Variants in FLNB observed in about 807,000 individuals in gnomAD.
FLNB encodes the protein filamin B, also known as filamin-B.
Under a neutral mutation model 250.6 loss-of-function variants are expected in FLNB, and 111 were observed. The observed-to-expected ratio is 0.44, with a 90% CI of 0.38 to 0.52. The LOEUF (loss-of-function observed/expected upper bound fraction) is 0.52, where lower values mean the gene tolerates loss of function less well. Among genes scored for constraint, FLNB ranks in the 20% least tolerant of loss-of-function variants. The pLI, the probability that FLNB is intolerant of heterozygous loss-of-function variation, is 0.00. For missense variants in FLNB, 2,869 were observed against 3,447.8 expected (o/e 0.83, Z 4.20); for synonymous variants, 1,302 against 1,372.1 (o/e 0.95, Z 1.13).
intron 1 of FLNB, among the ~76,000 whole-genome samples, chr3:58,054,991 G>T (rs1290565769): frequency 6.6e-6 from 1 of 152,192 alleles, no homozygotes; most frequent in Admixed American, 6.5e-5. Flanking sequence ...TCCAGGCCAG[G>T]CATGGTGGCT....
rs749772889 is a variant in FLNB at position 58,150,181 on chromosome 3, C to T, written c.6321C>T (p.Ser2107=). The T allele has an allele frequency of 2.5e-5, 40 of 1,614,072 alleles. 1 individual carries two copies. The highest frequency in any genetic ancestry group is 8.3e-5 in the Admixed American group (5 of 60,008). ...ESITRTSRAP[S]VATVGSICDL... Reference sequence around the variant, plus strand: ...TCACCCGCACCAGTCGGGCCCCGTCCGTGGCCACTGTCGGGAGCATTTGTG... The same window carrying T: ...TCACCCGCACCAGTCGGGCCCCGTCTGTGGCCACTGTCGGGAGCATTTGTG... Residue 2107 remains serine (S), a synonymous_variant, in exon 38 of 46, where the codon TCC becomes TCT. Transcript: ENST00000295956.
chr3:58,022,280 T>C (rs1179917354), intron 1 of FLNB, among the ~76,000 whole-genome samples: 1 of 152,246 alleles, frequency 6.6e-6, no homozygotes, highest in African/African-American at 2.4e-5. Flanking sequence ...CATTGACTTA[T>C]TTGCAATTCA....
rs1403233441 is a variant in FLNB at position 58,109,208 on chromosome 3, G to T, written c.2085G>T (p.Gln695His). Residue 695 changes from glutamine to histidine, a missense_variant, in exon 14 of 46, where the codon CAG becomes CAT. Gln to His is a conservative substitution (Grantham distance 24, BLOSUM62 0). This residue lies in a region of FLNB where 1,348 missense variants were observed against 1,466.7 expected (regional missense o/e 0.92). Transcript: ENST00000295956. ...GGGAAGGCCAACGCATTGACATCCA[G>T]ATGAAGAACCGGATGGACGGCACAT... ...QDGEGQRIDI[Q>H]MKNRMDGTYA... is the part of the protein sequence containing the mutation. The T allele has an allele frequency of 3.1e-6, 5 of 1,614,110 alleles. No homozygotes were observed. The highest frequency in any genetic ancestry group is 4.2e-6 in the Non-Finnish European group (5 of 1,180,054).
chr3:58,108,171 C>A (rs1353785176), intron 12 of FLNB, among the ~76,000 whole-genome samples: 1 of 152,054 alleles, frequency 6.6e-6, no homozygotes, highest in Non-Finnish European at 1.5e-5. Context: ...AGAAAGTTTA[C>A]AAATTTGTGT....
In FLNB at chr3:58,148,307, G is replaced by A. The variant is rs778365957; in HGVS notation, c.5830G>A (p.Ala1944Thr). 2 of 1,614,092 alleles carry A rather than the reference G, an allele frequency of 1.2e-6. No individual in the cohort carries two copies. Among genetic ancestry groups the A allele is most frequent in the African/African-American group, 1.3e-5 (1 of 75,040 alleles). ...DLSSLTASIKAPSGRDEPCLL... is the reference protein window; with the variant it reads ...DLSSLTASIKTPSGRDEPCLL... Reference sequence around the variant, plus strand: ...CAGCAGCCTGACGGCCAGCATTAAGGCCCCATCTGGCCGAGACGAGCCCTG... The same window carrying A: ...CAGCAGCCTGACGGCCAGCATTAAGACCCCATCTGGCCGAGACGAGCCCTG... Residue 1944 changes from alanine (A) to threonine (T), a missense_variant, in exon 35 of 46, where the codon GCC becomes ACC. Physicochemically the swap from Ala to Thr is moderately conservative, Grantham distance 58. Coordinates refer to ENST00000295956, the MANE Select transcript of FLNB (RefSeq NM_001457.4).
chr3:58,093,068 G>A (rs1055294686), intron 4 of FLNB, among the ~76,000 whole-genome samples: 3 of 152,284 alleles, frequency 2.0e-5, no homozygotes, highest in Non-Finnish European at 2.9e-5. Flanking sequence ...TTCTGTCCAG[G>A]TTTGCTACAA....
intron 39 of FLNB, among the ~76,000 whole-genome samples, chr3:58,153,921 C>T (rs192754139): frequency 5.3e-5 from 8 of 152,226 alleles, no homozygotes; most frequent in South Asian, 2.1e-4. Flanking sequence ...CAGAGTAATA[C>T]GGTTTCCAGA....
chr3:58,088,137 T>C (rs1336268949), intron 4 of FLNB, among the ~76,000 whole-genome samples: 2 of 143,030 alleles, frequency 1.4e-5, no homozygotes, highest in East Asian at 4.5e-4. Flanking sequence ...CGCCTCTGCC[T>C]CCTGGGTTCA....
At chr3:58,100,373 A>AATATATAT (rs1553696177) in intron 8 of FLNB, among the ~76,000 whole-genome samples, 1 of 104,386 alleles carries the variant, frequency 9.6e-6, no homozygotes, top group Non-Finnish European at 1.8e-5. Flanking sequence ...GTAAAAAAAA[A>AATATATAT]ATATATATAT....
At chr3:58,091,639 T>A (rs1447262881) in intron 4 of FLNB, among the ~76,000 whole-genome samples, 2 of 144,276 alleles carry the variant, frequency 1.4e-5, no homozygotes, top group South Asian at 2.3e-4. Flanking sequence ...TAAAAAAAAA[T>A]AAGTTGGATT....
intron 4 of FLNB, among the ~76,000 whole-genome samples, chr3:58,093,938 C>T (rs184608373): frequency 1.8e-4 from 27 of 152,188 alleles, no homozygotes; most frequent in Middle Eastern, 3.4e-3. Flanking sequence ...GTGTGGAGAA[C>T]GGGTTAGTGG....
At chr3:58,017,280 C>T (rs1053525097) in intron 1 of FLNB, among the ~76,000 whole-genome samples, 6 of 152,222 alleles carry the variant, frequency 3.9e-5, no homozygotes, top group East Asian at 3.9e-4. Context: ...GATGGAGTTT[C>T]GCTCTTGTCA....
chr3:58,047,219 GT>G (rs1318126864), intron 1 of FLNB, among the ~76,000 whole-genome samples: 2 of 152,176 alleles, frequency 1.3e-5, no homozygotes, highest in Non-Finnish European at 1.5e-5. Flanking sequence ...AAGAAAATTA[GT>G]GCATGTTAAT....
At chr3:58,041,338 G>A (rs554686082) in intron 1 of FLNB, among the ~76,000 whole-genome samples, 7 of 152,318 alleles carry the variant, frequency 4.6e-5, no homozygotes, top group South Asian at 2.1e-4. Flanking sequence ...GATTTCCAGC[G>A]CTGAACCAGC....
In FLNB at chr3:58,171,087, A is replaced by T; in HGVS notation, c.*325A>T. On this transcript the variant is annotated 3_prime_UTR_variant, in exon 46 of 46. Transcript: ENST00000295956. The surrounding 1 kb of genome is among the most constrained non-coding windows in gnomAD (Gnocchi z 5.5). ...GAGACTGACATTTCAAAAAAACAAA[A>T]CTGGCTAGCCTGAGCTGCTGGTTCA... 3.3e-6 allele frequency: 1 copy of T among 304,148 alleles called. No homozygotes were observed. The highest frequency in any genetic ancestry group is 6.2e-6 in the Non-Finnish European group (1 of 161,136). The allele number at this position is 304,148 out of a possible 1,614,324, so 18.8% of individuals were successfully genotyped here.
intron 34 of FLNB, 105 bp downstream of exon 34, chr3:58,147,098 G>A (rs2097336973): frequency 1.7e-6 from 2 of 1,187,950 alleles, no homozygotes; most frequent in Non-Finnish European, 1.2e-6. Flanking sequence ...GTCTCTTTGA[G>A]TTTAGGTTTC....
In FLNB at chr3:58,111,836, G is replaced by A. The variant is rs903531666; in HGVS notation, c.2530G>A (p.Asp844Asn). The A allele has an allele frequency of 1.9e-6, 3 of 1,614,014 alleles. No individual in the cohort carries two copies. The highest frequency in any genetic ancestry group is 1.3e-5 in the African/African-American group (1 of 74,916). The change falls in exon 17 of 46, where the codon GAT (aspartate) becomes AAT (asparagine). Residue 844 changes from aspartate (D) to asparagine (N), a missense_variant. Around this residue, in one of 5 missense-constraint regions of FLNB, gnomAD observed 1,348 missense variants for 1,466.7 expected, o/e 0.92. Coordinates refer to ENST00000295956, the MANE Select transcript of FLNB (RefSeq NM_001457.4). ...CAGAGTCAAAGTTGACCCTTCCCAC[G>A]ATGCCAGCAAAGTGAAGGCAGAAGG... ...PFRVKVDPSH[D>N]ASKVKAEGPG...
At chr3:58,130,592 C>T (rs1350035269) in intron 24 of FLNB, 149 bp from the exon 25 acceptor site, 2 of 703,230 alleles carry the variant, frequency 2.8e-6, no homozygotes, top group Non-Finnish European at 5.1e-6. Flanking sequence ...AATGAGTAGG[C>T]ACATGAGCAG....
intron 1 of FLNB, among the ~76,000 whole-genome samples, chr3:58,016,785 C>A (rs9845627): frequency 0.016 from 2,497 of 152,158 alleles, 80 homozygotes; most frequent in African/African-American, 0.057. Flanking sequence ...AATTGTAACA[C>A]CTTCCCCCAA....
Sources: gnomAD v4.1 joint callset for allele counts (sites outside exome capture counted in the v4.1 genomes callset) on GRCh38, gnomAD v4.1.1 for gene constraint, gnomAD v4.1.1 regional missense constraint, Gnocchi (gnomAD v3.1) non-coding constraint, MANE v1.5 for transcripts, NCBI Gene and HGNC (gene_info 2026-07-23, HGNC 2026-07-21) for gene names.